The following SEMA3A variants were observed in gnomAD, a reference collection of about 807,000 sequenced individuals.
SEMA3A encodes semaphorin-3A.
Under a neutral mutation model 97.9 loss-of-function variants are expected in SEMA3A, and 29 were observed. The ratio of observed to expected loss-of-function variants is 0.30; its 90% CI spans 0.22 to 0.40. The LOEUF is 0.40. Among genes scored for constraint, SEMA3A ranks in the 10% least tolerant of loss-of-function variants. The pLI is 1.00. For synonymous variants in SEMA3A, 321 were observed against 323.7 expected (o/e 0.99, Z 0.09); for missense variants, 763 against 951.3 (o/e 0.80, Z 2.60).
rs149706425 is a variant in SEMA3A, at chr7:83,977,132, C to T, written c.1717G>A (p.Asp573Asn). The T allele has an allele frequency of 3.3e-6, 5 of 1,538,008 alleles. No individual in the cohort carries two copies. The African/African-American group carries it at 5.6e-5, about 17-fold the overall frequency. ...TTGAAAGATGAAAAATGTGACTTAC[C>T]ATGGTGTAAGTCTGAACAGTGAGTC... ...PLTHCSDLHH[D>N]NHHGHSPEER... Residue 573 changes from aspartate to asparagine, a missense_variant and splice_region_variant, in exon 15 of 17, where the codon GAT becomes AAT. Around this residue, in one of 2 missense-constraint regions of SEMA3A, gnomAD observed 678 missense variants for 881.3 expected, o/e 0.77. Coordinates refer to ENST00000265362, the MANE Select transcript of SEMA3A (RefSeq NM_006080.3).
chr7:84,115,906 A>G (rs993632858), intron 3 of SEMA3A, among the ~76,000 whole-genome samples: 1 of 152,212 alleles, frequency 6.6e-6, no homozygotes, highest in Non-Finnish European at 1.5e-5. Context: ...TGAAGTAAGG[A>G]GAGTTACAAT....
intron 2 of SEMA3A, among the ~76,000 whole-genome samples, chr7:84,325,204 A>T (rs527254709): frequency 2.0e-5 from 3 of 152,150 alleles, no homozygotes; most frequent in Non-Finnish European, 4.4e-5. Flanking sequence ...TATGGAGCAG[A>T]GTTCTGAACT....
chr7:84,143,529 C>A, intron 1 of SEMA3A, among the ~76,000 whole-genome samples: 1 of 92,908 alleles, frequency 1.1e-5, no homozygotes, highest in African/African-American at 4.4e-5. Context: ...GGAGTCTACA[C>A]GACTGTAAGA....
At chr7:84,443,855 G>A (rs1805335577) in intron 1 of SEMA3A, among the ~76,000 whole-genome samples, 1 of 146,850 alleles carries the variant, frequency 6.8e-6, no homozygotes, top group African/African-American at 2.5e-5. Context: ...CCACCTCTTG[G>A]TAGCCATTTT....
chr7:84,014,114 AT>A, intron 7 of SEMA3A, 94 bp downstream of exon 7: 1 of 1,003,228 alleles, frequency 1.0e-6, no homozygotes. Context: ...TTTAGCCATA[AT>A]TTTTATTGTA....
chr7:84,189,077 T>C (rs902565000), intron 1 of SEMA3A, among the ~76,000 whole-genome samples: 4 of 151,788 alleles, frequency 2.6e-5, no homozygotes, highest in African/African-American at 7.2e-5. Flanking sequence ...TTCCTTTATA[T>C]AGTGCATTAG....
chr7:84,360,223 G>T (rs1802680828), intron 2 of SEMA3A, among the ~76,000 whole-genome samples: 1 of 151,900 alleles, frequency 6.6e-6, no homozygotes, highest in African/African-American at 2.4e-5. Context: ...TCTTTTAATT[G>T]TGATGTTAGG....
intron 1 of SEMA3A, among the ~76,000 whole-genome samples, chr7:84,397,005 A>C (rs943648696): frequency 6.6e-6 from 1 of 152,040 alleles, no homozygotes; most frequent in Non-Finnish European, 1.5e-5. Flanking sequence ...TTTGTTCTGT[A>C]CCAATCAGAA....
At chr7:84,032,735 T>A (rs906930115) in intron 6 of SEMA3A, among the ~76,000 whole-genome samples, 3 of 151,876 alleles carry the variant, frequency 2.0e-5, no homozygotes, top group Non-Finnish European at 2.9e-5. Context: ...TTTCTAATTG[T>A]AATATATTGA....
chr7:84,388,911 G>A (rs1324442324), intron 1 of SEMA3A, among the ~76,000 whole-genome samples: 1 of 151,930 alleles, frequency 6.6e-6, no homozygotes, highest in Non-Finnish European at 1.5e-5. Flanking sequence ...ATAAACAAAA[G>A]TATGACATTT....
In SEMA3A at chr7:84,194,500, C is replaced by T. The variant is rs148517507; in HGVS notation, c.87G>A (p.Val29=). ...RANYQNGKNN[V]PRLKLSYKEM... Reference sequence around the variant, plus strand: ...CTTTGTAGGATAATTTCAGCCTTGGCACATTGTTCTTCCCATTCTGATAGT... The same window carrying T: ...CTTTGTAGGATAATTTCAGCCTTGGTACATTGTTCTTCCCATTCTGATAGT... The change falls in exon 1 of 17, where the codon GTG becomes GTA. Residue 29 remains valine (V), a synonymous_variant. Coordinates refer to ENST00000265362, the MANE Select transcript of SEMA3A (RefSeq NM_006080.3). 2.3e-4 allele frequency: 369 copies of T among 1,610,448 alleles called. 3 individuals are homozygous for T. The African/African-American group carries it at 4.2e-3, about 18-fold the overall frequency.
chr7:84,135,373 G>A (rs1449912558), intron 1 of SEMA3A, among the ~76,000 whole-genome samples: 2 of 151,776 alleles, frequency 1.3e-5, no homozygotes, highest in Non-Finnish European at 1.5e-5. Context: ...GGCCTCCCAA[G>A]GTGCTGGGAT....
At chr7:84,358,589 CT>C (rs1293064437) in intron 2 of SEMA3A, among the ~76,000 whole-genome samples, 18 of 152,090 alleles carry the variant, frequency 1.2e-4, no homozygotes, top group African/African-American at 4.3e-4. Context: ...CAGCTTTGTT[CT>C]TTTGGCTTAG....
chr7:84,123,699 C>G (rs1562796617), intron 3 of SEMA3A, among the ~76,000 whole-genome samples: 1 of 148,130 alleles, frequency 6.8e-6, no homozygotes, highest in Non-Finnish European at 1.5e-5. Flanking sequence ...ATCAGATAAA[C>G]ATATATTTTA....
chr7:84,472,882 C>A lies in SEMA3A; in HGVS notation c.-246+19578G>T, dbSNP rs185079913. On this transcript the variant is annotated intron_variant, in intron 1 of 3. Coordinates refer to the SEMA3A transcript ENST00000424555. ...GAAGTAGTATTACCTCCCAAAGTGG[C>A]AGATGATATAATTAACAACAGCTTT... Among the ~76,000 whole-genome samples, 128 of 152,168 alleles carry A rather than the reference C, an allele frequency of 8.4e-4. 1 individual carries two copies. The highest frequency in any genetic ancestry group is 3.4e-3 in the Middle Eastern group (1 of 294).
At chr7:83,975,817 AT>A (rs1246808051) in intron 15 of SEMA3A, among the ~76,000 whole-genome samples, 1 of 152,210 alleles carries the variant, frequency 6.6e-6, no homozygotes, top group African/African-American at 2.4e-5. Context: ...GCTGATCATA[AT>A]TCAATATTTT....
rs570771004 is a variant in SEMA3A, at chr7:84,140,535, T to C, written c.113-5584A>G. Among the ~76,000 whole-genome samples, 6 of 152,304 alleles carry C rather than the reference T, an allele frequency of 3.9e-5. No individual in the cohort carries two copies. In the South Asian group the frequency reaches 1.0e-3, roughly 26 times the overall value. The stretch of plus-strand genomic sequence containing the variant: ...TGAATTGCCTGTATTCATTGATGGC[T>C]TTAGGCTTATGTCCTTTTTCCATGA... On this transcript the variant is annotated intron_variant, in intron 1 of 16. Coordinates refer to ENST00000265362, the MANE Select transcript of SEMA3A (RefSeq NM_006080.3).
chr7:84,152,134 C>T (rs1211139094), intron 1 of SEMA3A, among the ~76,000 whole-genome samples: 8 of 151,462 alleles, frequency 5.3e-5, no homozygotes, highest in African/African-American at 1.2e-4. Context: ...GTCAGTGTGG[C>T]GATTCCTCAG....
At chr7:84,479,496 T>C (rs1407101338) in intron 1 of SEMA3A, among the ~76,000 whole-genome samples, 1 of 152,140 alleles carries the variant, frequency 6.6e-6, no homozygotes, top group African/African-American at 2.4e-5. Context: ...GCCCCTGTGT[T>C]AAAAATGCTT....
Sources: gnomAD v4.1 joint callset for allele counts (sites outside exome capture counted in the v4.1 genomes callset) on GRCh38, gnomAD v4.1.1 for gene constraint, gnomAD v4.1.1 regional missense constraint, MANE v1.5 for transcripts, NCBI Gene and HGNC (gene_info 2026-07-23, HGNC 2026-07-21) for gene names.